The following NXPE1 variants were observed in gnomAD, a reference collection of about 807,000 sequenced individuals.
NXPE1 encodes neurexophilin and PC-esterase domain family member 1, also known as NXPE family member 1.
Under a neutral mutation model 33.3 loss-of-function variants are expected in NXPE1, and 31 were observed. The ratio of observed to expected loss-of-function variants is 0.93; its 90% CI spans 0.70 to 1.26. The LOEUF (loss-of-function observed/expected upper bound fraction) is 1.26, where lower values mean the gene tolerates loss of function less well. Among genes scored for constraint, NXPE1 ranks in the 50% most tolerant of loss-of-function variants. NXPE1 has a pLI of 0.00. For synonymous variants in NXPE1, 229 were observed against 231.4 expected, an observed-to-expected ratio of 0.99 and a Z score of 0.09; for missense variants, 661 against 655.6, an observed-to-expected ratio of 1.01 and a Z score of -0.09.
intron 5 of NXPE1, among the ~76,000 whole-genome samples, chr11:114,541,480 A>G (rs1350651894): frequency 6.6e-6 from 1 of 152,236 alleles, no homozygotes; most frequent in African/African-American, 2.4e-5. Flanking sequence ...ATATTTGAAT[A>G]GATTTATTCT....
chr11:114,553,793 G>A, intron 1 of NXPE1: 1 of 979,948 alleles, frequency 1.0e-6, no homozygotes, highest in South Asian at 4.7e-5. Context: ...GCCTTTGCTG[G>A]CTTATGAAAG....
intron 2 of NXPE1, 67 bp downstream of exon 2, chr11:114,552,785 A>T: frequency 1.5e-6 from 1 of 679,138 alleles, no homozygotes; most frequent in Non-Finnish European, 1.8e-6. Context: ...CACTTTTATA[A>T]ATCTTAGATT....
rs1242103120 is a variant in NXPE1, at chr11:114,551,440, C to A, written c.-68G>T. On this transcript the variant is annotated splice_region_variant and 5_prime_UTR_variant, in exon 4 of 9. Coordinates refer to ENST00000534921, the Ensembl canonical transcript of NXPE1. ...GGATTGTTGCTTCCTCCTTCCAGGA[C>A]CCTGAAATGGAAGTCAAAGTCACCT... 4 of 1,254,892 alleles carry A rather than the reference C, an allele frequency of 3.2e-6. No homozygotes were observed. In the African/African-American group the frequency reaches 6.1e-5, roughly 19 times the overall value. The allele number at this position is 1,254,892 out of a possible 1,614,324, so 77.7% of individuals were successfully genotyped here. A position where few individuals can be genotyped will look rare whatever the true frequency, so the allele number is the denominator to read the frequency against.
At chr11:114,546,989 A>T (rs900844995) in intron 5 of NXPE1, among the ~76,000 whole-genome samples, 2 of 152,332 alleles carry the variant, frequency 1.3e-5, no homozygotes, top group Non-Finnish European at 2.9e-5. Flanking sequence ...CAAATATGTA[A>T]GGGATAATAG....
intron 2 of NXPE1, among the ~76,000 whole-genome samples, 156 bp from the exon 3 acceptor site, chr11:114,552,241 TAC>T (rs1206753112): frequency 3.9e-5 from 6 of 152,196 alleles, no homozygotes; most frequent in African/African-American, 1.4e-4. Flanking sequence ...ACTTCCCAAT[TAC>T]TGAAGCGTGG....
intron 5 of NXPE1, among the ~76,000 whole-genome samples, chr11:114,534,681 A>G (rs1002659025): frequency 1.3e-5 from 2 of 152,252 alleles, no homozygotes; most frequent in Non-Finnish European, 2.9e-5. Context: ...AAGAAAGGGT[A>G]TCAGTGATGG....
At chr11:114,523,832 T>C (rs1464754236) in intron 7 of NXPE1, among the ~76,000 whole-genome samples, 1 of 152,244 alleles carries the variant, frequency 6.6e-6, no homozygotes, top group Non-Finnish European at 1.5e-5. Flanking sequence ...AGCCAATGCC[T>C]TGTATTTTAG....
At chr11:114,537,230 AC>A (rs1169412214) in intron 5 of NXPE1, among the ~76,000 whole-genome samples, 9 of 152,278 alleles carry the variant, frequency 5.9e-5, no homozygotes, top group East Asian at 5.8e-4. Flanking sequence ...AAATTCAACA[AC>A]CCTTCATGCT....
chr11:114,554,480 T>C (rs567328470), intron 1 of NXPE1: 179 of 615,608 alleles, frequency 2.9e-4, no homozygotes, highest in African/African-American at 2.4e-3. Context: ...TCCAAATACA[T>C]AAAATAAAAT....
At chr11:114,537,873 T>C (rs1257498097) in intron 5 of NXPE1, among the ~76,000 whole-genome samples, 2 of 151,910 alleles carry the variant, frequency 1.3e-5, no homozygotes, top group Non-Finnish European at 2.9e-5. Flanking sequence ...AATTTATAGA[T>C]TCAATGCCAT....
At chr11:114,539,200 G>A (rs558574752) in intron 5 of NXPE1, among the ~76,000 whole-genome samples, 15 of 150,304 alleles carry the variant, frequency 1.0e-4, no homozygotes, top group East Asian at 7.9e-4. Flanking sequence ...ACCAAATACC[G>A]CATGTTCTCA....
chr11:114,559,149 C>T (rs1948720614), intron 1 of NXPE1, among the ~76,000 whole-genome samples: 1 of 152,136 alleles, frequency 6.6e-6, no homozygotes, highest in African/African-American at 2.4e-5. Flanking sequence ...TACACACATA[C>T]TCAAAGACAA....
Position 114,551,036 on chromosome 11 carries a change from G to A in NXPE1, c.99+67C>T, listed in dbSNP as rs1304920507. ...GGGGCAGGACTAATGGAGTGGGACTGACTTGAGGCACGTCACACAGGTGAG... is the reference window on the plus strand; with the variant it reads ...GGGGCAGGACTAATGGAGTGGGACTAACTTGAGGCACGTCACACAGGTGAG... On this transcript the variant is annotated intron_variant, in intron 5 of 8. Transcript: ENST00000534921. 3.6e-6 allele frequency: 3 copies of A among 828,476 alleles called. No individual in the cohort carries two copies. The East Asian group carries it at 8.0e-5, about 22-fold the overall frequency. 51.3% of individuals were successfully genotyped at this position (828,476 alleles called of 1,614,324 possible). A position where few individuals can be genotyped will look rare whatever the true frequency, so the allele number is the denominator to read the frequency against.
intron 5 of NXPE1, among the ~76,000 whole-genome samples, chr11:114,535,995 C>T (rs2135006348): frequency 6.6e-6 from 1 of 152,220 alleles, no homozygotes; most frequent in East Asian, 1.9e-4. Flanking sequence ...TTCAGCACCA[C>T]ACCAAACCTA....
intron 5 of NXPE1, among the ~76,000 whole-genome samples, chr11:114,539,794 A>G (rs1390106074): frequency 2.0e-5 from 3 of 152,182 alleles, no homozygotes; most frequent in African/African-American, 7.2e-5. Flanking sequence ...AAAGAAGTAG[A>G]TACCTTAGAA....
chr11:114,520,604 G>A (rs963540075), downstream of NXPE1, among the ~76,000 whole-genome samples: 5 of 152,296 alleles, frequency 3.3e-5, no homozygotes, highest in African/African-American at 1.2e-4. Flanking sequence ...ATGAAGTGCT[G>A]ATTTCATTTC....
intron 6 of NXPE1, among the ~76,000 whole-genome samples, chr11:114,528,246 T>C (rs1328664879): frequency 1.3e-5 from 2 of 152,210 alleles, no homozygotes; most frequent in East Asian, 1.9e-4. Flanking sequence ...TTTCCTTGGA[T>C]TACTGTGAGC....
intron 5 of NXPE1, among the ~76,000 whole-genome samples, chr11:114,548,868 T>A (rs1304798662): frequency 6.6e-6 from 1 of 151,880 alleles, no homozygotes; most frequent in South Asian, 2.1e-4. Flanking sequence ...CTGGGTTTTA[T>A]TTTGAAAGAA....
At chr11:114,550,905 G>C (rs959954706) in intron 5 of NXPE1, among the ~76,000 whole-genome samples, 198 bp downstream of exon 5, 2 of 152,142 alleles carry the variant, frequency 1.3e-5, no homozygotes, top group Non-Finnish European at 2.9e-5. Context: ...GGAATGGACT[G>C]AGGATGAATG....
Sources: allele counts gnomAD v4.1 joint callset (sites outside exome capture counted in the v4.1 genomes callset), GRCh38; gene constraint gnomAD v4.1.1; transcripts MANE v1.5; gene names NCBI Gene and HGNC (gene_info 2026-07-23, HGNC 2026-07-21).